The following MOCOS variants were observed in gnomAD, a reference collection of about 807,000 sequenced individuals.
MOCOS encodes the protein human molybdenum cofactor sulfurase.
A neutral mutation model predicts 83.6 loss-of-function variants in MOCOS; 86 were observed. The ratio of observed to expected loss-of-function variants is 1.03; its 90% CI spans 0.86 to 1.23. The LOEUF (loss-of-function observed/expected upper bound fraction) is 1.23. Among genes scored for constraint, MOCOS ranks in the 50% most tolerant of loss-of-function variants. MOCOS has a pLI of 0.00. For synonymous variants in MOCOS, 445 were observed against 434.7 expected (o/e 1.02, Z -0.29); for missense variants, 1,120 against 1,126.9 (o/e 0.99, Z 0.09).
At chr18:36,213,722 A>T (rs1275424042) in intron 7 of MOCOS, among the ~76,000 whole-genome samples, 1 of 151,846 alleles carries the variant, frequency 6.6e-6, no homozygotes, top group Non-Finnish European at 1.5e-5. Flanking sequence ...TGAGGTCAGG[A>T]GTTCGAGACA....
In MOCOS at chr18:36,265,837, A is replaced by C. The variant is rs1386494078; in HGVS notation, c.2410-912A>C. On this transcript the variant is annotated intron_variant, in intron 13 of 14. Transcript: ENST00000261326. The stretch of plus-strand genomic sequence containing the variant: ...ACAAAAACAATTCCCCATTTTATTT[A>C]AAGGTTTTTATAGATTCCTTTTAAT... Among the ~76,000 whole-genome samples, 3 of 152,256 alleles carry C rather than the reference A, an allele frequency of 2.0e-5. No individual in the cohort carries two copies. The East Asian group carries it at 5.8e-4, about 29-fold the overall frequency.
chr18:36,244,137 T>TTGTTATTTC (rs1342529650), intron 9 of MOCOS, among the ~76,000 whole-genome samples: 1 of 152,132 alleles, frequency 6.6e-6, no homozygotes, highest in Non-Finnish European at 1.5e-5. Context: ...ACTCTGATCT[T>TTGTTATTTC]TGTTATTTCT....
chr18:36,187,626 C>T lies in MOCOS; in HGVS notation c.87C>T (p.Gly29=). Residue 29 remains glycine (G), a synonymous_variant, in exon 1 of 15, where the codon GGC becomes GGT. Transcript: ENST00000261326. ...CGAGCGCACCGCGGCTAGCCTACGG[C>T]TACGGCCCGGGCAGCCTGCGCGAGC... is the stretch of plus-strand genomic sequence containing the variant. The part of the protein sequence containing the change: ...RDPSAPRLAY[G]YGPGSLRELR... The T allele has an allele frequency of 8.0e-7, 1 of 1,251,602 alleles. No homozygotes were observed. Among genetic ancestry groups the T allele is most frequent in the Non-Finnish European group, 1.0e-6 (1 of 997,628 alleles). The allele number at this position is 1,251,602 out of a possible 1,614,324, so 77.5% of individuals were successfully genotyped here.
chr18:36,232,096 C>T (rs1244008608), intron 9 of MOCOS, among the ~76,000 whole-genome samples: 1 of 152,118 alleles, frequency 6.6e-6, no homozygotes, highest in East Asian at 1.9e-4. Flanking sequence ...ACCTCAGCCT[C>T]CGGAGTAGCT....
chr18:36,257,070 C>A lies in MOCOS; in HGVS notation c.2267C>A (p.Thr756Asn). 6.2e-7 allele frequency: 1 copy of A among 1,611,494 alleles called. No homozygotes were observed. Among genetic ancestry groups the A allele is most frequent in the South Asian group, 1.1e-5 (1 of 91,018 alleles). Residue 756 changes from threonine (T) to asparagine (N), a missense_variant, in exon 12 of 15, where the codon ACC becomes AAC. By Grantham distance (65) the Thr-to-Asn change is moderately conservative. Transcript: ENST00000261326. ...SILELHRQLN[T>N]SDENGKEELF... ...TTGGAACTTCACCGGCAACTAAACA[C>A]CAGGTAAGACCTCATACCTCGGGAC...
At chr18:36,190,941 C>G (rs979838290) in intron 1 of MOCOS, among the ~76,000 whole-genome samples, 3 of 142,222 alleles carry the variant, frequency 2.1e-5, no homozygotes, top group African/African-American at 7.7e-5. Flanking sequence ...GGAGGCTGAA[C>G]CTGGGAGGTG....
chr18:36,268,812 C>T lies in MOCOS; in HGVS notation c.*127C>T, dbSNP rs1272504540. ...TCTTTTTCTTTAGAGGCAGGGAATGCTCTCACCTGCTTCCTTCTGCCTTTG... is the reference window on the plus strand; with the variant it reads ...TCTTTTTCTTTAGAGGCAGGGAATGTTCTCACCTGCTTCCTTCTGCCTTTG... On this transcript the variant is annotated 3_prime_UTR_variant, in exon 15 of 15. Transcript: ENST00000261326. 3.7e-6 allele frequency: 3 copies of T among 800,204 alleles called. No individual in the cohort carries two copies. Among genetic ancestry groups the T allele is most frequent in the African/African-American group, 3.5e-5 (2 of 57,936 alleles). The allele number at this position is 800,204 out of a possible 1,614,324, so 49.6% of individuals were successfully genotyped here.
intron 8 of MOCOS, among the ~76,000 whole-genome samples, chr18:36,217,144 A>G (rs117405442): frequency 0.011 from 1,681 of 152,304 alleles, 12 homozygotes; most frequent in Non-Finnish European, 0.019. Context: ...TTGTAATATC[A>G]GGTCAATGGT....
rs953878782 is a variant in MOCOS, at chr18:36,258,102, A to C, written c.2270+1029A>C. 9.9e-4 allele frequency among the ~76,000 whole-genome samples: 151 copies of C among 152,096 alleles called. 1 individual carries two copies. The highest frequency in any genetic ancestry group is 2.4e-4 in the Non-Finnish European group (16 of 68,020). Reference sequence around the variant, plus strand: ...GGGACCCTTCTCCTCAGGCATCCAGAGTCCTGGAAAAAGTGGGTCTGCAGT... The same window carrying C: ...GGGACCCTTCTCCTCAGGCATCCAGCGTCCTGGAAAAAGTGGGTCTGCAGT... On this transcript the variant is annotated intron_variant, in intron 12 of 14. Transcript: ENST00000261326.
At chr18:36,196,125 G>A (rs565864551) in intron 2 of MOCOS, among the ~76,000 whole-genome samples, 1 of 152,318 alleles carries the variant, frequency 6.6e-6, no homozygotes, top group Admixed American at 6.5e-5. Context: ...AGCCAGTGCA[G>A]GGCATTGTAG....
intron 12 of MOCOS, among the ~76,000 whole-genome samples, chr18:36,258,628 C>T (rs893575081): frequency 3.3e-5 from 5 of 152,102 alleles, no homozygotes; most frequent in African/African-American, 9.7e-5. Context: ...CTGTCTCTGG[C>T]GCATACTCTA....
intron 6 of MOCOS, among the ~76,000 whole-genome samples, chr18:36,205,591 A>G (rs2091431831): frequency 1.3e-5 from 2 of 152,208 alleles, no homozygotes; most frequent in South Asian, 2.1e-4. Flanking sequence ...GCACTCAGGC[A>G]TGGTGGTAGG....
In MOCOS at chr18:36,195,362, T is replaced by G; in HGVS notation, c.232+16T>G. ...AACACTTATGGTAAAGAAAAACACC[T>G]GAAACAGGTTTTAGTCAACTACATG... On this transcript the variant is annotated intron_variant, in intron 2 of 14. Transcript: ENST00000261326. The G allele has an allele frequency of 6.2e-7, 1 of 1,603,154 alleles. No homozygotes were observed. The highest frequency in any genetic ancestry group is 8.5e-7 in the Non-Finnish European group (1 of 1,170,018).
intron 9 of MOCOS, among the ~76,000 whole-genome samples, 167 bp from the exon 10 acceptor site, chr18:36,248,755 T>A (rs2144137613): frequency 6.6e-6 from 1 of 152,328 alleles, no homozygotes; most frequent in South Asian, 2.1e-4. Context: ...TGACTGTAAA[T>A]GTGTGGATTT....
chr18:36,230,371 C>T (rs547923010), intron 9 of MOCOS, among the ~76,000 whole-genome samples: 1 of 152,282 alleles, frequency 6.6e-6, no homozygotes, highest in African/African-American at 2.4e-5. Flanking sequence ...AGACATGAGC[C>T]ACTGTGCCCA....
intron 12 of MOCOS, among the ~76,000 whole-genome samples, chr18:36,257,537 C>T (rs1299941648): frequency 6.6e-6 from 1 of 152,072 alleles, no homozygotes; most frequent in African/African-American, 2.4e-5. Flanking sequence ...AAAGATGCAC[C>T]ACAGATGGAA....
chr18:36,239,617 AG>A (rs1434176110), intron 9 of MOCOS, among the ~76,000 whole-genome samples: 14 of 145,934 alleles, frequency 9.6e-5, no homozygotes, highest in African/African-American at 3.6e-4. Flanking sequence ...TGTGTCTTGG[AG>A]TTGCTCTTCT....
intron 9 of MOCOS, among the ~76,000 whole-genome samples, chr18:36,227,505 TC>T (rs2091522386): frequency 6.6e-6 from 1 of 152,044 alleles, no homozygotes; most frequent in Non-Finnish European, 1.5e-5. Flanking sequence ...AAGAGATTCT[TC>T]TTCCTCAGCT....
chr18:36,199,840 A>C lies in MOCOS; in HGVS notation c.457A>C (p.Thr153Pro), dbSNP rs771600526. The change falls in exon 4 of 15, where the codon ACC becomes CCC. Residue 153 changes from threonine (T) to proline (P), a missense_variant. Thr to Pro is a conservative substitution (Grantham distance 38). Transcript: ENST00000261326. The part of the protein sequence containing the change: ...SRFCYLTDSH[T>P]SVVGMRNVTM... ...CTTCTGTTACCTCACCGACAGCCAC[A>C]CCTCCGTAGTGGGTATGCGGAACGT... 5 of 1,613,938 alleles carry C rather than the reference A, an allele frequency of 3.1e-6. No homozygotes were observed. Among genetic ancestry groups the C allele is most frequent in the Non-Finnish European group, 2.5e-6 (3 of 1,179,974 alleles).
Sources: allele counts gnomAD v4.1 joint callset (sites outside exome capture counted in the v4.1 genomes callset), GRCh38; gene constraint gnomAD v4.1.1; transcripts MANE v1.5; gene names NCBI Gene and HGNC (gene_info 2026-07-23, HGNC 2026-07-21).